The following KCNIP4 variants were observed in gnomAD, a reference collection of about 807,000 sequenced individuals.
KCNIP4 encodes Kv channel-interacting protein 4.
Under a neutral mutation model 34.0 loss-of-function variants are expected in KCNIP4, and 12 were observed. The observed-to-expected ratio is 0.35, with a 90% CI of 0.23 to 0.57. The LOEUF is 0.57. Among genes scored for constraint, KCNIP4 ranks in the 20% least tolerant of loss-of-function variants. KCNIP4 has a pLI of 0.83. For synonymous variants in KCNIP4, 124 were observed against 102.2 expected, an observed-to-expected ratio of 1.21 and a Z score of -1.29; for missense variants, 238 against 311.7, an observed-to-expected ratio of 0.76 and a Z score of 1.78.
intron 1 of KCNIP4, among the ~76,000 whole-genome samples, chr4:21,748,208 T>C (rs1256980252): frequency 6.6e-6 from 1 of 152,252 alleles, no homozygotes; most frequent in East Asian, 1.9e-4. Context: ...TGTCCCTTTA[T>C]ATTGAGGCAG....
At chr4:21,181,542 T>C in intron 1 of KCNIP4, among the ~76,000 whole-genome samples, 1 of 152,064 alleles carries the variant, frequency 6.6e-6, no homozygotes, top group East Asian at 1.9e-4. Context: ...CCAAACCATA[T>C]GTACTCATAT....
rs116326880 is a variant in KCNIP4 at position 20,908,894 on chromosome 4, C to T, written c.62-26185G>A. Among the ~76,000 whole-genome samples, 863 of 152,284 alleles carry T rather than the reference C, an allele frequency of 5.7e-3. 11 individuals are homozygous for T. The highest frequency in any genetic ancestry group is 0.02 in the Middle Eastern group (6 of 294). On this transcript the variant is annotated intron_variant, in intron 1 of 8. Coordinates refer to ENST00000382152, the MANE Select transcript of KCNIP4 (RefSeq NM_025221.6). ...TGAAAAGTGCTTTATTTACTCAGTG[C>T]TCATTGTTTAGTAAATAGCTTGTAA...
intron 1 of KCNIP4, among the ~76,000 whole-genome samples, chr4:20,893,644 GA>G (rs1239981687): frequency 6.8e-6 from 1 of 146,598 alleles, no homozygotes; most frequent in Non-Finnish European, 1.5e-5. Context: ...GGTTGGTCTT[GA>G]ACTCCTGGGC....
At chr4:21,405,371 G>A (rs1042868176) in intron 1 of KCNIP4, among the ~76,000 whole-genome samples, 2 of 152,064 alleles carry the variant, frequency 1.3e-5, no homozygotes, top group Non-Finnish European at 2.9e-5. Flanking sequence ...GTATCATTGA[G>A]TAATTCTGTC....
chr4:21,847,747 C>A (rs546668586), intron 1 of KCNIP4: 34 of 152,260 alleles, frequency 2.2e-4, no homozygotes, highest in African/African-American at 7.7e-4. Flanking sequence ...ATCCCTTACA[C>A]AAAATATTTC....
At chr4:21,308,711 A>AGT (rs10525935) in intron 1 of KCNIP4, among the ~76,000 whole-genome samples, 23,181 of 149,836 alleles carry the variant, frequency 0.15, 1,892 homozygotes, top group Admixed American at 0.22. Flanking sequence ...CTGCCGTGTG[A>AGT]GTGTGTGTGT....
chr4:21,878,518 C>T (rs1052196750), intron 1 of KCNIP4, among the ~76,000 whole-genome samples: 6 of 152,144 alleles, frequency 3.9e-5, no homozygotes, highest in African/African-American at 9.7e-5. Context: ...CTACCATCAC[C>T]CTTTCAAGAA....
chr4:21,198,791 A>T (rs1397521628), intron 1 of KCNIP4, among the ~76,000 whole-genome samples: 3 of 152,206 alleles, frequency 2.0e-5, no homozygotes, highest in African/African-American at 7.2e-5. Context: ...CTTCTTCTGC[A>T]GCACAGAAAG....
At position 20,809,433 on chromosome 4, in the gene KCNIP4, A is replaced by G. The variant is rs1474058505; in HGVS notation, c.288+41110T>C. Among the ~76,000 whole-genome samples, 13 of 152,290 alleles carry G rather than the reference A, an allele frequency of 8.5e-5. No homozygotes were observed. The East Asian group carries it at 2.5e-3, about 29-fold the overall frequency. Reference sequence around the variant, plus strand: ...CCTTCAGACTCCGAGAGGTCATAACACACGATATAAAGTGCAAGGTTAATA... The same window carrying G: ...CCTTCAGACTCCGAGAGGTCATAACGCACGATATAAAGTGCAAGGTTAATA... On this transcript the variant is annotated intron_variant, in intron 3 of 8. Transcript: ENST00000382152.
chr4:20,746,487 ACT>A (rs1238307179), intron 5 of KCNIP4, among the ~76,000 whole-genome samples: 1 of 151,856 alleles, frequency 6.6e-6, no homozygotes, highest in Non-Finnish European at 1.5e-5. Flanking sequence ...AAAAATGCAC[ACT>A]CTGCACATGT....
At chr4:21,774,585 G>A (rs1719046210) in intron 1 of KCNIP4, among the ~76,000 whole-genome samples, 1 of 152,124 alleles carries the variant, frequency 6.6e-6, no homozygotes, top group Admixed American at 6.5e-5. Context: ...CTCAATCGTA[G>A]GTTTTGTCTT....
chr4:21,857,292 T>C (rs7668222), intron 1 of KCNIP4, among the ~76,000 whole-genome samples: 78,409 of 151,908 alleles, frequency 0.52, 21,228 homozygotes, highest in East Asian at 0.66. Context: ...ACCCCCAGGG[T>C]CTCCTCTCTG....
At chr4:21,549,321 C>T (rs1008895554) in intron 1 of KCNIP4, among the ~76,000 whole-genome samples, 1 of 151,830 alleles carries the variant, frequency 6.6e-6, no homozygotes, top group African/African-American at 2.4e-5. Flanking sequence ...AAATGTGATC[C>T]CCCATGGTGA....
At chr4:21,026,454 G>A (rs1740566849) in intron 1 of KCNIP4, among the ~76,000 whole-genome samples, 1 of 152,098 alleles carries the variant, frequency 6.6e-6, no homozygotes, top group African/African-American at 2.4e-5. Context: ...AGGAGTTTGA[G>A]ACCAGCTGGG....
intron 1 of KCNIP4, among the ~76,000 whole-genome samples, chr4:21,103,396 C>A (rs1748138486): frequency 6.9e-6 from 1 of 144,826 alleles, no homozygotes; most frequent in Admixed American, 7.0e-5. Context: ...ATATATATCT[C>A]CAATATCTAA....
chr4:20,935,298 T>C (rs1479887609), intron 1 of KCNIP4, among the ~76,000 whole-genome samples: 1 of 152,148 alleles, frequency 6.6e-6, no homozygotes. Flanking sequence ...TCTAACCAAA[T>C]AGCTCATAGG....
intron 1 of KCNIP4, among the ~76,000 whole-genome samples, chr4:21,584,040 T>G (rs2109078514): frequency 1.3e-5 from 2 of 152,108 alleles, no homozygotes; most frequent in East Asian, 1.9e-4. Context: ...AACATAAGAT[T>G]TATATTACAA....
intron 1 of KCNIP4, among the ~76,000 whole-genome samples, chr4:21,552,712 T>C (rs981749260): frequency 1.3e-5 from 2 of 152,154 alleles, no homozygotes; most frequent in Non-Finnish European, 1.5e-5. Flanking sequence ...CATATTTTTT[T>C]AATACTTAGT....
At chr4:21,878,842 T>C (rs6448099) in intron 1 of KCNIP4, among the ~76,000 whole-genome samples, 74,337 of 151,986 alleles carry the variant, frequency 0.49, 18,669 homozygotes, top group Admixed American at 0.64. Context: ...TGGATGTTAT[T>C]AGAATGAAGT....
Sources: allele counts gnomAD v4.1 joint callset (sites outside exome capture counted in the v4.1 genomes callset), GRCh38; gene constraint gnomAD v4.1.1; transcripts MANE v1.5; gene names NCBI Gene and HGNC (gene_info 2026-07-23, HGNC 2026-07-21).